Variants in OSCP1 observed in about 807,000 individuals in gnomAD.
OSCP1 encodes the protein organic solute carrier partner 1.
OSCP1 carries 35 observed loss-of-function variants against 45.1 expected under a neutral mutation model. That is an observed-to-expected ratio of 0.78 (90% CI 0.59 to 1.03). The LOEUF is 1.03. Among genes scored for constraint, OSCP1 ranks in the 50% least tolerant of loss-of-function variants. The probability of loss-of-function intolerance (pLI) is 0.00; values close to 1 mark genes in which losing one functional copy is unlikely to be tolerated. For missense variants in OSCP1, 400 were observed against 470.7 expected, an observed-to-expected ratio of 0.85 and a Z score of 1.39; for synonymous variants, 179 against 180.1, an observed-to-expected ratio of 0.99 and a Z score of 0.05.
intron 1 of OSCP1, chr1:36,444,135 C>T: frequency 7.2e-7 from 1 of 1,380,338 alleles, no homozygotes; most frequent in South Asian, 1.2e-5. Context: ...ATCTATGAAA[C>T]TTTACTTTTC....
At chr1:36,434,806 C>T (rs1648607651) in intron 2 of OSCP1, among the ~76,000 whole-genome samples, 1 of 150,496 alleles carries the variant, frequency 6.6e-6, no homozygotes, top group African/African-American at 2.4e-5. Flanking sequence ...CAGGAATAGC[C>T]TGGTGTGTGT....
chr1:36,438,810 A>G lies in OSCP1; in HGVS notation c.213T>C (p.Tyr71=), dbSNP rs746842957. ...LYSKKALRTV[Y]ERLAHASIMK... ...TAATGGAGGCATGAGCCAGGCGCTC[A>G]TAGACAGTCCTCAGGGCCTTCTTGG... Residue 71 remains tyrosine (Y), a synonymous_variant, in exon 2 of 10, where the codon TAT becomes TAC. Transcript: ENST00000235532. 8 of 1,614,104 alleles carry G rather than the reference A, an allele frequency of 5.0e-6. No individual in the cohort carries two copies. The African/African-American group carries it at 6.7e-5, about 13-fold the overall frequency.
intron 4 of OSCP1, among the ~76,000 whole-genome samples, chr1:36,431,349 G>A (rs78250508): frequency 0.1 from 15,530 of 151,922 alleles, 944 homozygotes; most frequent in East Asian, 0.29. Context: ...GAAGGAGTAA[G>A]AGGCATTGAG....
At chr1:36,432,752 G>A (rs1648459361) in intron 2 of OSCP1, among the ~76,000 whole-genome samples, 163 bp from the exon 3 acceptor site, 1 of 152,194 alleles carries the variant, frequency 6.6e-6, no homozygotes, top group Non-Finnish European at 1.5e-5. Flanking sequence ...ACACTTCTGA[G>A]AGTCAAGGCG....
chr1:36,432,738 C>A, intron 2 of OSCP1, 149 bp from the exon 3 acceptor site: 1 of 842,868 alleles, frequency 1.2e-6, no homozygotes, highest in Non-Finnish European at 1.9e-6. Flanking sequence ...TCACCCAAAC[C>A]AAGACACTTC....
chr1:36,439,046 C>T, intron 1 of OSCP1, 136 bp from the exon 2 acceptor site: 2 of 903,234 alleles, frequency 2.2e-6, no homozygotes, highest in East Asian at 2.8e-5. Flanking sequence ...GAGATCAGCT[C>T]CCTGAGGGGA....
At chr1:36,418,604 C>T (rs1003386219) in intron 9 of OSCP1, 6 of 338,998 alleles carry the variant, frequency 1.8e-5, no homozygotes, top group East Asian at 6.7e-5. Context: ...TGAAGTTCAA[C>T]GTTATATAAG....
intron 4 of OSCP1, among the ~76,000 whole-genome samples, chr1:36,430,089 G>A (rs1303618662): frequency 2.0e-5 from 3 of 152,100 alleles, no homozygotes; most frequent in Non-Finnish European, 4.4e-5. Context: ...GAGCCACTGC[G>A]CCCAGCCTAG....
chr1:36,419,936 G>C (rs995577523), intron 8 of OSCP1, among the ~76,000 whole-genome samples: 1 of 151,224 alleles, frequency 6.6e-6, no homozygotes, highest in Admixed American at 6.6e-5. Flanking sequence ...CCTCAACCTC[G>C]TGGGTAGCTG....
Position 36,432,602 on chromosome 1 carries a change from A to G in OSCP1, c.268-13T>C, listed in dbSNP as rs1557556826. ...TCAGGTCATAGAGCTGCCAACCCAC[A>G]CACAAGCAAAAGAAATGGGATCATA... On this transcript the variant is annotated splice_polypyrimidine_tract_variant and intron_variant, in intron 2 of 9. Transcript: ENST00000235532. 1.2e-6 allele frequency: 2 copies of G among 1,614,132 alleles called. No individual in the cohort carries two copies. Among genetic ancestry groups the G allele is most frequent in the Non-Finnish European group, 1.7e-6 (2 of 1,179,986 alleles).
intron 5 of OSCP1, 109 bp downstream of exon 5, chr1:36,423,253 GA>G: frequency 1.1e-6 from 1 of 925,888 alleles, no homozygotes; most frequent in Non-Finnish European, 1.8e-6. Context: ...TGAAGAAAGA[GA>G]AGGGCTGGGC....
chr1:36,426,658 A>G (rs1355974459), intron 4 of OSCP1, among the ~76,000 whole-genome samples: 3 of 152,166 alleles, frequency 2.0e-5, no homozygotes, highest in African/African-American at 7.2e-5. Flanking sequence ...GCCCCACTGC[A>G]GAAGCCTCCT....
At chr1:36,439,258 C>T (rs1378104521) in intron 1 of OSCP1, among the ~76,000 whole-genome samples, 1 of 152,196 alleles carries the variant, frequency 6.6e-6, no homozygotes, top group Non-Finnish European at 1.5e-5. Flanking sequence ...TGGTGGCTCA[C>T]GCCTATAATC....
Position 36,438,850 on chromosome 1 carries a change from G to C in OSCP1, c.173C>G (p.Pro58Arg), listed in dbSNP as rs753422853. The C allele has an allele frequency of 8.1e-6, 13 of 1,614,054 alleles. No homozygotes were observed. The highest frequency in any genetic ancestry group is 1.0e-5 in the Non-Finnish European group (12 of 1,180,012). Residue 58 changes from proline (P) to arginine (R), a missense_variant, in exon 2 of 10, where the codon CCT becomes CGT. Coordinates refer to ENST00000235532, the MANE Select transcript of OSCP1 (RefSeq NM_145047.5). ...GGCCTTCTTGGAGTAGAGCTCTTGA[G>C]GCTTGAATAATTCCTCCATAAACTT... ...NRKFMEELFK[P>R]QELYSKKALR...
At chr1:36,430,458 T>C (rs1231654767) in intron 4 of OSCP1, among the ~76,000 whole-genome samples, 2 of 152,038 alleles carry the variant, frequency 1.3e-5, no homozygotes, top group African/African-American at 2.4e-5. Flanking sequence ...TGAGCCAGGA[T>C]GGTGGCAACA....
At chr1:36,429,844 T>C (rs1341844251) in intron 4 of OSCP1, among the ~76,000 whole-genome samples, 2 of 148,862 alleles carry the variant, frequency 1.3e-5, no homozygotes, top group Admixed American at 6.8e-5. Context: ...GGAGTCTTGC[T>C]CTGTCGCCCA....
chr1:36,438,890 TGGA>T lies in OSCP1; in HGVS notation c.130_132del (p.Ser44del). On this transcript the variant is annotated inframe_deletion, in exon 2 of 10. Coordinates refer to ENST00000235532, the MANE Select transcript of OSCP1 (RefSeq NM_145047.5). ...TCCATAAACTTTCTATTGAACATGG[TGGA>T]GATGATGTCATTCAGAACTGCAGAG... 4.3e-6 allele frequency: 7 copies of T among 1,614,048 alleles called. No individual in the cohort carries two copies. The highest frequency in any genetic ancestry group is 5.9e-6 in the Non-Finnish European group (7 of 1,179,974).
chr1:36,444,538 T>G (rs1208961857), intron 1 of OSCP1, among the ~76,000 whole-genome samples: 1 of 152,218 alleles, frequency 6.6e-6, no homozygotes, highest in African/African-American at 2.4e-5. Flanking sequence ...ATTAGAAAAC[T>G]TGAAATGTGA....
chr1:36,422,701 C>G (rs967280798), intron 6 of OSCP1, 67 bp downstream of exon 6: 50 of 1,203,466 alleles, frequency 4.2e-5, no homozygotes, highest in Non-Finnish European at 5.2e-5. Context: ...GGCTGTTTCT[C>G]TTTTTTTTTT....
Sources: allele counts gnomAD v4.1 joint callset (sites outside exome capture counted in the v4.1 genomes callset), GRCh38; gene constraint gnomAD v4.1.1; transcripts MANE v1.5; gene names NCBI Gene and HGNC (gene_info 2026-07-23, HGNC 2026-07-21).